Variants in DNAAF1 observed in about 807,000 individuals in gnomAD.
DNAAF1 encodes dynein axonemal assembly factor 1.
In DNAAF1, 65 loss-of-function variants were observed where a neutral mutation model predicts 71.1. The ratio of observed to expected loss-of-function variants is 0.91; its 90% CI spans 0.75 to 1.12. DNAAF1 has a LOEUF of 1.12. Among genes scored for constraint, DNAAF1 ranks in the 50% most tolerant of loss-of-function variants. DNAAF1 has a pLI of 0.00. For synonymous variants in DNAAF1, 414 were observed against 354.6 expected, an observed-to-expected ratio of 1.17 and a Z score of -1.88; for missense variants, 1,178 against 899.8, an observed-to-expected ratio of 1.31 and a Z score of -3.96.
chr16:84,176,572 T>C, intron 11 of DNAAF1: 1 of 543,370 alleles, frequency 1.8e-6, no homozygotes, highest in Non-Finnish European at 3.3e-6. Context: ...ACAATCCCCC[T>C]GTGGTCATGC....
At chr16:84,175,736 A>G (rs2088616574) in intron 10 of DNAAF1, 197 bp from the exon 11 acceptor site, 1 of 643,408 alleles carries the variant, frequency 1.6e-6, no homozygotes, top group East Asian at 2.8e-5. Flanking sequence ...AGAGAAGGGC[A>G]TAGACATGAG....
chr16:84,146,209 T>C (rs1256628402), intron 1 of DNAAF1, among the ~76,000 whole-genome samples: 1 of 152,218 alleles, frequency 6.6e-6, no homozygotes, highest in African/African-American at 2.4e-5. Flanking sequence ...TGGTCCCAAC[T>C]TTGATGCTTT....
Position 84,172,380 on chromosome 16 carries a change from A to G in DNAAF1, c.1644+5A>G, listed in dbSNP as rs780622727. On this transcript the variant is annotated splice_donor_5th_base_variant and intron_variant, in intron 9 of 11. Transcript: ENST00000378553. ...AAGGAGACATTCTGCATTGATGTAC[A>G]TGAAGTATTTAATCTTGGAGATAAG... 15 of 1,613,836 alleles carry G rather than the reference A, an allele frequency of 9.3e-6. No homozygotes were observed. The highest frequency in any genetic ancestry group is 2.2e-5 in the South Asian group (2 of 90,982).
chr16:84,176,119 G>A lies in DNAAF1; in HGVS notation c.1885G>A (p.Ala629Thr). Residue 629 changes from alanine to threonine, a missense_variant, in exon 11 of 12, where the codon GCT becomes ACT. Coordinates refer to ENST00000378553, the MANE Select transcript of DNAAF1 (RefSeq NM_178452.6). ...VPFTDIFKKE[A>T]KRDLEIRKQD... ...CTTCACAGACATCTTTAAAAAAGAAGCTAAGAGGGACTTGGAAATCCGAAA... is the reference window on the plus strand; with the variant it reads ...CTTCACAGACATCTTTAAAAAAGAAACTAAGAGGGACTTGGAAATCCGAAA... The A allele has an allele frequency of 6.2e-7, 1 of 1,613,942 alleles. No homozygotes were observed. The highest frequency in any genetic ancestry group is 2.2e-5 in the East Asian group (1 of 44,874).
chr16:84,159,944 A>C, intron 6 of DNAAF1, 148 bp downstream of exon 6: 1 of 881,226 alleles, frequency 1.1e-6, no homozygotes, highest in Non-Finnish European at 1.7e-6. Context: ...ATAATTGACT[A>C]TAATGGGAAT....
intron 7 of DNAAF1, among the ~76,000 whole-genome samples, chr16:84,167,091 G>C (rs1399994471): frequency 1.3e-5 from 2 of 152,198 alleles, no homozygotes; most frequent in Non-Finnish European, 2.9e-5. Flanking sequence ...TAACAGAATG[G>C]CTATAAAATT....
intron 1 of DNAAF1, 54 bp downstream of exon 1, chr16:84,145,618 G>T (rs894588165): frequency 2.0e-6 from 3 of 1,532,092 alleles, no homozygotes; most frequent in South Asian, 2.4e-5. Flanking sequence ...ACGGCTAGGC[G>T]CTCCAGCCCC....
intron 7 of DNAAF1, among the ~76,000 whole-genome samples, chr16:84,166,258 G>T (rs1179796812): frequency 4.6e-5 from 7 of 151,788 alleles, no homozygotes; most frequent in African/African-American, 4.8e-5. Flanking sequence ...TCGCCATGTT[G>T]TCCAGGCTCG....
rs768947212 is a variant in DNAAF1, at chr16:84,176,300, G to T, written c.2065+1G>T. 3.1e-6 allele frequency: 5 copies of T among 1,613,200 alleles called. No homozygotes were observed. The Admixed American group carries it at 6.7e-5, about 22-fold the overall frequency. ...GACTTCCTTGCAGCCTCTTCTCCGG[G>T]TAAGAGCGTGGGGCCGAGAGCACAG... On this transcript the variant is annotated splice_donor_variant, in intron 11 of 11. Transcript: ENST00000378553. LOFTEE classifies it high-confidence loss of function.
chr16:84,156,087 C>T (rs965290488), intron 5 of DNAAF1, among the ~76,000 whole-genome samples: 8 of 152,118 alleles, frequency 5.3e-5, no homozygotes, highest in East Asian at 1.9e-4. Context: ...CTCAGCATCC[C>T]GAGTAGCTGG....
chr16:84,150,862 C>T (rs2151211718), intron 3 of DNAAF1, among the ~76,000 whole-genome samples: 1 of 152,268 alleles, frequency 6.6e-6, no homozygotes. Context: ...GATCCAGCTG[C>T]CTCAGCCTCC....
chr16:84,168,431 C>A (rs116839721), intron 7 of DNAAF1, among the ~76,000 whole-genome samples: 2,790 of 152,218 alleles, frequency 0.018, 45 homozygotes, highest in African/African-American at 0.044. Flanking sequence ...GTGTGAACAC[C>A]TTTGACTAAT....
At chr16:84,176,658 G>C in intron 11 of DNAAF1, 1 of 369,090 alleles carries the variant, frequency 2.7e-6, no homozygotes, top group Non-Finnish European at 5.2e-6. Context: ...AGCCTTTCTA[G>C]ACCAGGGCTT....
At chr16:84,177,598 G>C in intron 11 of DNAAF1, 131 bp from the exon 12 acceptor site, 2 of 778,370 alleles carry the variant, frequency 2.6e-6, no homozygotes, top group Non-Finnish European at 4.6e-6. Flanking sequence ...CAAAGTGCTG[G>C]GATTACAGGT....
chr16:84,172,344 G>T lies in DNAAF1; in HGVS notation c.1613G>T (p.Arg538Ile). 1 of 1,614,224 alleles carries T rather than the reference G, an allele frequency of 6.2e-7. No homozygotes were observed. The highest frequency in any genetic ancestry group is 8.5e-7 in the Non-Finnish European group (1 of 1,180,024). Residue 538 changes from arginine to isoleucine, a missense_variant, in exon 9 of 12, where the codon AGA becomes ATA. Coordinates refer to ENST00000378553, the MANE Select transcript of DNAAF1 (RefSeq NM_178452.6). ...GTRTEDLETIRLETKETFCID... is the reference protein window; with the variant it reads ...GTRTEDLETIILETKETFCID... ...AGAACGGAAGATTTAGAAACCATTA[G>T]ACTGGAGACAAAGGAGACATTCTGC...
intron 9 of DNAAF1, 41 bp from the exon 10 acceptor site, chr16:84,174,628 G>C (rs754260073): frequency 6.2e-7 from 1 of 1,614,032 alleles, no homozygotes; most frequent in Non-Finnish European, 8.5e-7. Context: ...TTGACAGTGC[G>C]TGTACCTCCC....
At chr16:84,168,462 G>C (rs1017681767) in intron 7 of DNAAF1, among the ~76,000 whole-genome samples, 4 of 151,970 alleles carry the variant, frequency 2.6e-5, no homozygotes, top group African/African-American at 9.7e-5. Context: ...TTATTTTTTA[G>C]AGACAGGGCC....
At position 84,150,353 on chromosome 16, in the gene DNAAF1, A is replaced by G. The variant is rs778153505; in HGVS notation, c.352+11A>G. The G allele has an allele frequency of 2.5e-6, 4 of 1,581,738 alleles. No homozygotes were observed. The highest frequency in any genetic ancestry group is 1.1e-5 in the South Asian group (1 of 90,434). On this transcript the variant is annotated intron_variant, in intron 3 of 11. Coordinates refer to ENST00000378553, the MANE Select transcript of DNAAF1 (RefSeq NM_178452.6). ...ATTTACACTTTAAAGGTAAGGACCT[A>G]AGAGAGGAAGTGCTTCACGTCAGGT... is the stretch of plus-strand genomic sequence containing the variant.
chr16:84,160,835 G>C (rs1159783671), intron 6 of DNAAF1, among the ~76,000 whole-genome samples: 2 of 152,024 alleles, frequency 1.3e-5, no homozygotes, highest in East Asian at 3.9e-4. Context: ...CTCGAGTGGA[G>C]GCTGAGGAGG....
Sources: allele counts gnomAD v4.1 joint callset (sites outside exome capture counted in the v4.1 genomes callset), GRCh38; gene constraint gnomAD v4.1.1; transcripts MANE v1.5; gene names NCBI Gene and HGNC (gene_info 2026-07-23, HGNC 2026-07-21).